Variants in DSCAM observed in about 807,000 individuals in gnomAD.
DSCAM encodes cell adhesion molecule DSCAM.
In DSCAM, 47 loss-of-function variants were observed where a neutral mutation model predicts 217.7. The ratio of observed to expected loss-of-function variants is 0.22; its 90% confidence interval spans 0.17 to 0.28. The LOEUF (loss-of-function observed/expected upper bound fraction) is 0.28, where lower values mean the gene tolerates loss of function less well. Ranked by LOEUF, DSCAM falls within the 10% of genes least tolerant of loss-of-function variation. The pLI is 1.00. For missense variants in DSCAM, 2,080 were observed against 2,618.3 expected, an observed-to-expected ratio of 0.79 and a Z score of 4.49; for synonymous variants, 1,056 against 1,015.3, an observed-to-expected ratio of 1.04 and a Z score of -0.76.
chr21:40,276,318 A>G, intron 10 of DSCAM, 48 bp from the exon 11 acceptor site: 1 of 1,526,680 alleles, frequency 6.6e-7, no homozygotes, highest in South Asian at 1.3e-5. Flanking sequence ...GAGAGTAAGT[A>G]TGGGAAGACA....
chr21:40,637,703 C>T (rs1458661801), intron 3 of DSCAM, among the ~76,000 whole-genome samples: 1 of 138,252 alleles, frequency 7.2e-6, no homozygotes, highest in Non-Finnish European at 1.5e-5. Context: ...GACAGAGTCT[C>T]ACTCTGTCAG....
At chr21:40,802,410 A>T (rs1253956039) in intron 1 of DSCAM, among the ~76,000 whole-genome samples, 1 of 152,312 alleles carries the variant, frequency 6.6e-6, no homozygotes, top group South Asian at 2.1e-4. Flanking sequence ...GTGTGGGGAT[A>T]AGTTAAGACT....
At chr21:40,461,213 T>C (rs542826717) in intron 3 of DSCAM, among the ~76,000 whole-genome samples, 1 of 152,330 alleles carries the variant, frequency 6.6e-6, no homozygotes, top group Non-Finnish European at 1.5e-5. Context: ...TGCTTATACA[T>C]GCATAGAGTA....
chr21:40,698,382 C>T (rs1355469953), intron 2 of DSCAM, among the ~76,000 whole-genome samples: 2 of 152,088 alleles, frequency 1.3e-5, no homozygotes, highest in Admixed American at 1.3e-4. Context: ...GAAATCAAAA[C>T]TTAAGTGGGG....
At chr21:40,376,981 G>A (rs568684621) in intron 3 of DSCAM, among the ~76,000 whole-genome samples, 29 of 152,182 alleles carry the variant, frequency 1.9e-4, no homozygotes, top group African/African-American at 6.7e-4. Context: ...CACTGCAGAT[G>A]TAATATCTTA....
chr21:40,262,871 A>G (rs898913094), intron 11 of DSCAM, among the ~76,000 whole-genome samples: 2 of 152,186 alleles, frequency 1.3e-5, no homozygotes, highest in African/African-American at 4.8e-5. Flanking sequence ...GAATCAATGA[A>G]AAGAATCAGG....
At chr21:40,782,480 C>T (rs899574343) in intron 1 of DSCAM, among the ~76,000 whole-genome samples, 3 of 152,190 alleles carry the variant, frequency 2.0e-5, no homozygotes, top group African/African-American at 7.2e-5. Context: ...GAAATCCCAG[C>T]ATGTTGGGAG....
At chr21:40,706,810 G>A (rs1164616490) in intron 2 of DSCAM, among the ~76,000 whole-genome samples, 3 of 152,170 alleles carry the variant, frequency 2.0e-5, no homozygotes, top group Non-Finnish European at 4.4e-5. Context: ...ACAATAAAAA[G>A]CAAAATGAAA....
chr21:40,401,413 G>C (rs1313779614), intron 3 of DSCAM, among the ~76,000 whole-genome samples: 1 of 151,576 alleles, frequency 6.6e-6, no homozygotes, highest in East Asian at 1.9e-4. Flanking sequence ...TTTTCTGTTA[G>C]TGTGTAGCAG....
At chr21:40,262,056 T>A in intron 11 of DSCAM, among the ~76,000 whole-genome samples, 1 of 151,736 alleles carries the variant, frequency 6.6e-6, no homozygotes, top group African/African-American at 2.4e-5. Flanking sequence ...CCTCTCGCTT[T>A]CTTTCTTTCT....
chr21:40,670,061 T>C lies in DSCAM; in HGVS notation c.508+22749A>G, dbSNP rs577303713. Among the ~76,000 whole-genome samples the C allele has an allele frequency of 3.6e-4, 55 of 152,280 alleles. 1 individual carries two copies. Among genetic ancestry groups the C allele is most frequent in the African/African-American group, 1.2e-3 (49 of 41,566 alleles). On this transcript the variant is annotated intron_variant, in intron 3 of 32. Coordinates refer to ENST00000400454, the MANE Select transcript of DSCAM (RefSeq NM_001389.5). ...GTTTATAAAATACAATGTCACAATA[T>C]AGTACTAGTTCAAGTTAATTCACCT... is the stretch of plus-strand genomic sequence containing the variant.
chr21:40,663,384 T>G (rs536137511), intron 3 of DSCAM, among the ~76,000 whole-genome samples: 1 of 152,148 alleles, frequency 6.6e-6, no homozygotes, highest in South Asian at 2.1e-4. Context: ...CACCTCCATA[T>G]GCACAGGCCA....
chr21:40,503,893 G>T (rs1487154934), intron 3 of DSCAM, among the ~76,000 whole-genome samples: 1 of 152,216 alleles, frequency 6.6e-6, no homozygotes. Context: ...CTGATTTACA[G>T]CCACTGTGAA....
At chr21:40,490,512 A>G (rs1406076375) in intron 3 of DSCAM, among the ~76,000 whole-genome samples, 1 of 152,134 alleles carries the variant, frequency 6.6e-6, no homozygotes, top group Non-Finnish European at 1.5e-5. Flanking sequence ...GGAATCAGGT[A>G]AGGGTATGTG....
At position 40,248,964 on chromosome 21, in the gene DSCAM, A is replaced by G. The variant is rs1048173415; in HGVS notation, c.2356+27133T>C. 3.3e-5 allele frequency among the ~76,000 whole-genome samples: 5 copies of G among 152,144 alleles called. No homozygotes were observed. The South Asian group carries it at 1.0e-3, about 32-fold the overall frequency. On this transcript the variant is annotated intron_variant, in intron 11 of 32. Coordinates refer to ENST00000400454, the MANE Select transcript of DSCAM (RefSeq NM_001389.5). ...AAGTAAAAGCAGAAACCCCTGATAA[A>G]CCCATCAGATCTCATGAGACTTATT...
intron 3 of DSCAM, among the ~76,000 whole-genome samples, chr21:40,510,634 C>A (rs1269620435): frequency 6.6e-6 from 1 of 152,222 alleles, no homozygotes; most frequent in African/African-American, 2.4e-5. Flanking sequence ...GAACTCCTCA[C>A]ACCAGAGCTG....
intron 3 of DSCAM, among the ~76,000 whole-genome samples, chr21:40,425,812 TATAC>T (rs1262099891): frequency 1.3e-5 from 2 of 152,134 alleles, no homozygotes; most frequent in Admixed American, 6.5e-5. Flanking sequence ...TCAGCATGTA[TATAC>T]ACACACACAT....
At chr21:40,149,698 C>A (rs530667306) in intron 16 of DSCAM, among the ~76,000 whole-genome samples, 1 of 148,182 alleles carries the variant, frequency 6.7e-6, no homozygotes, top group East Asian at 2.0e-4. Flanking sequence ...ACTATCACCA[C>A]CACCATCCAT....
chr21:40,021,427 T>C (rs1306491505), intron 32 of DSCAM, among the ~76,000 whole-genome samples: 1 of 152,074 alleles, frequency 6.6e-6, no homozygotes, highest in African/African-American at 2.4e-5. Flanking sequence ...GCTTTAAAGA[T>C]GTGTGCACCA....
Sources: allele counts gnomAD v4.1 joint callset (sites outside exome capture counted in the v4.1 genomes callset), GRCh38; gene constraint gnomAD v4.1.1; transcripts MANE v1.5; gene names NCBI Gene and HGNC (gene_info 2026-07-23, HGNC 2026-07-21).